RBMS3: variants seen among roughly 807,000 people sequenced by gnomAD.
RBMS3 encodes RNA binding motif single stranded interacting protein 3.
RBMS3 carries 27 observed loss-of-function variants against 66.8 expected under a neutral mutation model. That is an observed-to-expected ratio of 0.40 (90% CI 0.30 to 0.56). The LOEUF (loss-of-function observed/expected upper bound fraction) is 0.56. Ranked by LOEUF, RBMS3 falls within the 20% of genes least tolerant of loss-of-function variation. The pLI, the probability that RBMS3 is intolerant of heterozygous loss-of-function variation, is 0.40. For missense variants in RBMS3, 513 were observed against 549.5 expected (o/e 0.93, Z 0.66); for synonymous variants, 188 against 183.0 (o/e 1.03, Z -0.22).
intron 4 of RBMS3, among the ~76,000 whole-genome samples, chr3:29,705,762 G>C (rs1300496932): frequency 6.6e-6 from 1 of 152,108 alleles, no homozygotes; most frequent in Non-Finnish European, 1.5e-5. Flanking sequence ...GAAAAACTGA[G>C]ATAACATATA....
At chr3:29,504,284 A>G (rs2044096469) in intron 3 of RBMS3, among the ~76,000 whole-genome samples, 1 of 152,080 alleles carries the variant, frequency 6.6e-6, no homozygotes, top group African/African-American at 2.4e-5. Flanking sequence ...GTCTTGGTCC[A>G]GGGAGCAGCA....
chr3:29,566,796 A>C (rs774489741), intron 3 of RBMS3, among the ~76,000 whole-genome samples: 1 of 152,062 alleles, frequency 6.6e-6, no homozygotes, highest in Middle Eastern at 3.4e-3. Context: ...AATTTGGGGG[A>C]TGATGAAAGA....
intron 3 of RBMS3, among the ~76,000 whole-genome samples, chr3:29,493,105 T>C (rs1292948985): frequency 6.6e-6 from 1 of 152,226 alleles, no homozygotes; most frequent in Non-Finnish European, 1.5e-5. Context: ...GGAAAAAATA[T>C]AGGAAGCATC....
chr3:29,619,607 C>T (rs1384684977), intron 4 of RBMS3, among the ~76,000 whole-genome samples: 2 of 152,164 alleles, frequency 1.3e-5, no homozygotes, highest in Non-Finnish European at 2.9e-5. Context: ...TCTCACCAAG[C>T]CTCAGTGTAT....
intron 9 of RBMS3, 92 bp from the exon 10 acceptor site, chr3:29,899,613 A>G: frequency 9.1e-7 from 1 of 1,099,510 alleles, no homozygotes; most frequent in Admixed American, 2.1e-5. Context: ...GGTGGACTCC[A>G]CTTTCTTATG....
intron 12 of RBMS3, among the ~76,000 whole-genome samples, chr3:29,986,028 C>A (rs1382061444): frequency 6.6e-6 from 1 of 152,114 alleles, no homozygotes; most frequent in Non-Finnish European, 1.5e-5. Flanking sequence ...CAGTGACATC[C>A]TCTTATGCAA....
At chr3:29,923,849 A>G (rs921931151) in intron 10 of RBMS3, among the ~76,000 whole-genome samples, 1 of 152,214 alleles carries the variant, frequency 6.6e-6, no homozygotes, top group Non-Finnish European at 1.5e-5. Flanking sequence ...ACCAATTAGT[A>G]GACATAAAGT....
intron 1 of RBMS3, among the ~76,000 whole-genome samples, chr3:29,302,186 A>G (rs1288628089): frequency 6.6e-6 from 1 of 151,576 alleles, no homozygotes; most frequent in Non-Finnish European, 1.5e-5. Flanking sequence ...ATTTTTAAAA[A>G]TTTTCTGTAG....
intron 2 of RBMS3, among the ~76,000 whole-genome samples, chr3:29,474,489 A>T (rs963813679): frequency 1.3e-5 from 2 of 152,318 alleles, no homozygotes; most frequent in East Asian, 1.9e-4. Context: ...AAAAGATTCA[A>T]GTTTAACTTT....
chr3:29,451,699 A>G (rs1313545959), intron 2 of RBMS3, among the ~76,000 whole-genome samples: 1 of 152,192 alleles, frequency 6.6e-6, no homozygotes, highest in Non-Finnish European at 1.5e-5. Context: ...ATCTTGGATC[A>G]GAACTGATTG....
chr3:29,884,470 C>CT (rs1491200120), intron 8 of RBMS3, among the ~76,000 whole-genome samples: 4,159 of 70,422 alleles, frequency 0.059, 486 homozygotes, highest in African/African-American at 0.12. Flanking sequence ...CTCTCTCTCT[C>CT]CCCCCCCGCT....
intron 6 of RBMS3, among the ~76,000 whole-genome samples, chr3:29,858,302 A>T (rs1313593143): frequency 1.3e-5 from 2 of 152,140 alleles, no homozygotes; most frequent in African/African-American, 4.8e-5. Context: ...ATTTCATCTT[A>T]TATGTAGTAC....
In RBMS3 at chr3:29,667,546, G is replaced by A. The variant is rs573270242; in HGVS notation, c.400-72174G>A. ...TTGTTCCTGTTCTGTCAATAAATATGTAGACACTATTATGTATAAGATACT... is the reference window on the plus strand; with the variant it reads ...TTGTTCCTGTTCTGTCAATAAATATATAGACACTATTATGTATAAGATACT... On this transcript the variant is annotated intron_variant, in intron 4 of 14. Coordinates refer to ENST00000383767, the MANE Select transcript of RBMS3 (RefSeq NM_001003793.3). 2.0e-5 allele frequency among the ~76,000 whole-genome samples: 3 copies of A among 152,242 alleles called. No individual in the cohort carries two copies. The South Asian group carries it at 6.2e-4, about 32-fold the overall frequency.
chr3:29,631,356 T>C (rs1186856607), intron 4 of RBMS3, among the ~76,000 whole-genome samples: 1 of 151,864 alleles, frequency 6.6e-6, no homozygotes, highest in Non-Finnish European at 1.5e-5. Flanking sequence ...CATCATTTCA[T>C]CTCTGACTGC....
rs141734972 is a variant in RBMS3 at position 29,716,256 on chromosome 3, C to G, written c.400-23464C>G. On this transcript the variant is annotated intron_variant, in intron 4 of 14. Coordinates refer to ENST00000383767, the MANE Select transcript of RBMS3 (RefSeq NM_001003793.3). ...TTTAGATATACTTGCACAGTTACCA[C>G]AATTAAGATATCTGGGCAAAGTAAC... Among the ~76,000 whole-genome samples the G allele has an allele frequency of 3.0e-3, 462 of 152,214 alleles. 2 individuals are homozygous for G. Among genetic ancestry groups the G allele is most frequent in the African/African-American group, 9.9e-3 (411 of 41,554 alleles).
intron 6 of RBMS3, among the ~76,000 whole-genome samples, chr3:29,844,255 G>A (rs765523881): frequency 1.3e-5 from 2 of 151,974 alleles, no homozygotes; most frequent in Admixed American, 6.6e-5. Context: ...GTTTTGTTTT[G>A]TTTTGTTTTG....
At chr3:29,288,989 G>A (rs931933733) in intron 1 of RBMS3, among the ~76,000 whole-genome samples, 1 of 151,840 alleles carries the variant, frequency 6.6e-6, no homozygotes, top group Non-Finnish European at 1.5e-5. Flanking sequence ...AATGACATAT[G>A]CTATTTTAAA....
intron 12 of RBMS3, among the ~76,000 whole-genome samples, chr3:29,948,850 A>T (rs1277768771): frequency 1.3e-5 from 2 of 151,744 alleles, no homozygotes; most frequent in African/African-American, 4.8e-5. Context: ...ACAGTGCTAC[A>T]AAAAACTAAG....
At chr3:29,798,620 A>G (rs2057292125) in intron 6 of RBMS3, among the ~76,000 whole-genome samples, 2 of 152,216 alleles carry the variant, frequency 1.3e-5, no homozygotes, top group South Asian at 2.1e-4. Context: ...GAAATGTGCT[A>G]ACACTGTTGT....
Sources: gnomAD v4.1 joint callset for allele counts (sites outside exome capture counted in the v4.1 genomes callset) on GRCh38, gnomAD v4.1.1 for gene constraint, MANE v1.5 for transcripts, NCBI Gene and HGNC (gene_info 2026-07-23, HGNC 2026-07-21) for gene names.